ARHGEF10: variants seen among roughly 807,000 people sequenced by gnomAD.
ARHGEF10 encodes Rho guanine nucleotide exchange factor (GEF) 10.
In ARHGEF10, 140 loss-of-function variants were observed where a neutral mutation model predicts 147.4. The observed-to-expected ratio is 0.95, with a 90% confidence interval of 0.83 to 1.09. The LOEUF (loss-of-function observed/expected upper bound fraction) is 1.09. ARHGEF10 is among the 50% of genes least tolerant of loss of function. ARHGEF10 has a pLI of 0.00. For missense variants in ARHGEF10, 2,222 were observed against 1,752.7 expected (o/e 1.27, Z -4.78); for synonymous variants, 902 against 695.8 (o/e 1.30, Z -4.67).
At chr8:1,845,876 G>A (rs1362272327) in intron 2 of ARHGEF10, among the ~76,000 whole-genome samples, 1 of 152,200 alleles carries the variant, frequency 6.6e-6, no homozygotes, top group Non-Finnish European at 1.5e-5. Flanking sequence ...GACTGGGGGT[G>A]CCCAGGGTTC....
Position 1,860,190 on chromosome 8 carries a change from G to A in ARHGEF10, c.481+6G>A. Reference sequence around the variant, plus strand: ...CACGTCCCTGGACGAAGAAGGTACTGCTACCCTCCTCTCCACGCCCCCGAA... The same window carrying A: ...CACGTCCCTGGACGAAGAAGGTACTACTACCCTCCTCTCCACGCCCCCGAA... On this transcript the variant is annotated splice_donor_region_variant and intron_variant, in intron 4 of 28. Coordinates refer to ENST00000349830, the MANE Select transcript of ARHGEF10 (RefSeq NM_014629.4). 6.2e-7 allele frequency: 1 copy of A among 1,611,688 alleles called. No individual in the cohort carries two copies. Among genetic ancestry groups the A allele is most frequent in the South Asian group, 1.1e-5 (1 of 91,032 alleles).
chr8:1,946,825 G>C (rs185294345), intron 27 of ARHGEF10, among the ~76,000 whole-genome samples: 3 of 152,174 alleles, frequency 2.0e-5, no homozygotes, highest in Non-Finnish European at 4.4e-5. Flanking sequence ...GATGTTCCTC[G>C]GGGCCTCCGT....
chr8:1,907,155 C>G (rs937608845), intron 17 of ARHGEF10, among the ~76,000 whole-genome samples: 2 of 152,178 alleles, frequency 1.3e-5, no homozygotes, highest in Non-Finnish European at 2.9e-5. Flanking sequence ...TGCGAGGATG[C>G]AGAGTAAGGT....
intron 18 of ARHGEF10, among the ~76,000 whole-genome samples, chr8:1,922,529 T>A (rs1466063698): frequency 6.6e-6 from 1 of 152,120 alleles, no homozygotes; most frequent in East Asian, 1.9e-4. Flanking sequence ...TCCCCCAGAC[T>A]GGAGGAGATT....
intron 18 of ARHGEF10, among the ~76,000 whole-genome samples, chr8:1,914,552 T>G (rs1811613090): frequency 6.6e-6 from 1 of 152,104 alleles, no homozygotes; most frequent in South Asian, 2.1e-4. Flanking sequence ...CCTGTAAGAG[T>G]GAACTTCGTT....
Position 1,937,352 on chromosome 8 carries a change from A to T in ARHGEF10, c.3222+3410A>T, listed in dbSNP as rs914560166. 6.6e-5 allele frequency among the ~76,000 whole-genome samples: 10 copies of T among 152,064 alleles called. No homozygotes were observed. Among genetic ancestry groups the T allele is most frequent in the African/African-American group, 2.4e-4 (10 of 41,398 alleles). On this transcript the variant is annotated intron_variant, in intron 26 of 28. Coordinates refer to ENST00000349830, the MANE Select transcript of ARHGEF10 (RefSeq NM_014629.4). This position sits in a 1 kb window ranked among gnomAD's most constrained non-coding sequence, Gnocchi z 4.9. ...ACCCCATCAGTACAGCCATCCTAGT[A>T]ATTGCGTATTTACAGAGGGAGCTCA...
chr8:1,951,544 C>T lies in ARHGEF10; in HGVS notation c.3398-1161C>T, dbSNP rs1259242326. The stretch of plus-strand genomic sequence containing the variant: ...GGAGGCTGTTTGACCTCTGTCGATA[C>T]GGAGTCTTTGGCTCTGGTGTGAGGT... On this transcript the variant is annotated intron_variant, in intron 27 of 28. Coordinates refer to ENST00000349830, the MANE Select transcript of ARHGEF10 (RefSeq NM_014629.4). Among the ~76,000 whole-genome samples, 9 of 152,306 alleles carry T rather than the reference C, an allele frequency of 5.9e-5. No homozygotes were observed. The South Asian group carries it at 6.2e-4, about 11-fold the overall frequency.
At chr8:1,936,902 C>A (rs1813658084) in intron 26 of ARHGEF10, among the ~76,000 whole-genome samples, 1 of 152,112 alleles carries the variant, frequency 6.6e-6, no homozygotes, top group African/African-American at 2.4e-5. Context: ...CGTCTTCAGC[C>A]AGGAAAGGGC....
chr8:1,892,838 G>A (rs557355679), intron 11 of ARHGEF10, among the ~76,000 whole-genome samples: 1 of 152,286 alleles, frequency 6.6e-6, no homozygotes, highest in East Asian at 1.9e-4. Context: ...GAAGTACAAT[G>A]ATCACTAGCT....
At chr8:1,883,302 G>A (rs190491664) in intron 10 of ARHGEF10, among the ~76,000 whole-genome samples, 108 of 152,188 alleles carry the variant, frequency 7.1e-4, no homozygotes, top group African/African-American at 2.4e-3. Context: ...GTCATTTACC[G>A]TCCGAGGAGA....
intron 26 of ARHGEF10, among the ~76,000 whole-genome samples, chr8:1,945,162 G>T (rs1228149994): frequency 6.6e-6 from 1 of 152,220 alleles, no homozygotes; most frequent in East Asian, 1.9e-4. Context: ...GGCCTGGGGG[G>T]ATGGATCCTG....
chr8:1,955,845 G>C (rs1815520045), intron 28 of ARHGEF10, among the ~76,000 whole-genome samples: 1 of 152,278 alleles, frequency 6.6e-6, no homozygotes, highest in Non-Finnish European at 1.5e-5. Flanking sequence ...CTGGTGTGCA[G>C]GGATCACAGG....
chr8:1,956,665 G>A, intron 28 of ARHGEF10, 84 bp from the exon 29 acceptor site: 2 of 1,470,222 alleles, frequency 1.4e-6, no homozygotes, highest in South Asian at 1.1e-5. Context: ...GGAATGCGTT[G>A]GGGTTAAGCC....
chr8:1,847,068 G>A (rs1011631686), intron 2 of ARHGEF10, among the ~76,000 whole-genome samples: 3 of 152,104 alleles, frequency 2.0e-5, no homozygotes, highest in Non-Finnish European at 4.4e-5. Context: ...CCTTTACCAG[G>A]TCCCTGTGCC....
chr8:1,926,573 G>A (rs774061419), intron 23 of ARHGEF10, 110 bp downstream of exon 23: 31 of 947,742 alleles, frequency 3.3e-5, no homozygotes, highest in Middle Eastern at 2.1e-4. Context: ...TGGCGGTGGC[G>A]TATCCCAGAG....
chr8:1,900,210 G>T (rs917253647), intron 15 of ARHGEF10, among the ~76,000 whole-genome samples: 1 of 152,120 alleles, frequency 6.6e-6, no homozygotes, highest in South Asian at 2.1e-4. Context: ...GGTTTTTTCC[G>T]AAATACATTC....
chr8:1,851,046 G>T (rs1805097066), intron 2 of ARHGEF10, among the ~76,000 whole-genome samples: 1 of 152,150 alleles, frequency 6.6e-6, no homozygotes, highest in Non-Finnish European at 1.5e-5. Context: ...GGGGGGAGGG[G>T]TGACAGGCGG....
At position 1,867,016 on chromosome 8, in the gene ARHGEF10, CT is replaced by C. The variant is rs78899210; in HGVS notation, c.622+430del. Among the ~76,000 whole-genome samples, 408 of 137,808 alleles carry C rather than the reference CT, an allele frequency of 3.0e-3. 5 individuals carry two copies. Among genetic ancestry groups the C allele is most frequent in the African/African-American group, 5.3e-3 (198 of 37,678 alleles). The allele number at this position is 137,808 out of a possible 152,430, so 90.4% of individuals were successfully genotyped here. ...TTGAAGAGGGGGCGGGTGGGCCTCCCTTTTTTTTTTTTTTTTGTCCCATACA... is the reference window on the plus strand; with the variant it reads ...TTGAAGAGGGGGCGGGTGGGCCTCCCTTTTTTTTTTTTTTTGTCCCATACA... On this transcript the variant is annotated intron_variant, in intron 6 of 28. Transcript: ENST00000349830.
At chr8:1,843,499 G>C in intron 2 of ARHGEF10, 63 bp downstream of exon 2, 1 of 1,255,458 alleles carries the variant, frequency 8.0e-7, no homozygotes, top group Non-Finnish European at 1.2e-6. Context: ...TCAAGGACGG[G>C]GTACTTCTGG....
Sources: allele counts gnomAD v4.1 joint callset (sites outside exome capture counted in the v4.1 genomes callset), GRCh38; gene constraint gnomAD v4.1.1; non-coding constraint Gnocchi (gnomAD v3.1); transcripts MANE v1.5; gene names NCBI Gene and HGNC (gene_info 2026-07-23, HGNC 2026-07-21).